The following OPCML variants were observed in gnomAD, a reference collection of about 807,000 sequenced individuals.
OPCML encodes the protein opioid binding protein/cell adhesion molecule like, also known as opioid-binding protein/cell adhesion molecule.
In OPCML, 13 loss-of-function variants were observed where a neutral mutation model predicts 37.8. That is an observed-to-expected ratio of 0.34 (90% CI 0.22 to 0.55). OPCML has a LOEUF of 0.55. Ranked by LOEUF, OPCML falls within the 20% of genes least tolerant of loss-of-function variation. OPCML has a pLI of 0.91. For synonymous variants in OPCML, 176 were observed against 168.8 expected (o/e 1.04, Z -0.33); for missense variants, 341 against 435.6 (o/e 0.78, Z 1.93).
At chr11:133,106,571 G>T (rs1949161584) in intron 1 of OPCML, among the ~76,000 whole-genome samples, 2 of 152,176 alleles carry the variant, frequency 1.3e-5, no homozygotes, top group Non-Finnish European at 2.9e-5. Flanking sequence ...AGTGCTTATA[G>T]CAATGTGCTA....
intron 2 of OPCML, among the ~76,000 whole-genome samples, chr11:132,672,316 C>T (rs1430522672): frequency 2.6e-5 from 4 of 152,174 alleles, no homozygotes; most frequent in Admixed American, 1.3e-4. Context: ...TAAAGAAATA[C>T]TTACATGTGC....
At chr11:133,524,647 T>C (rs997399418) in intron 1 of OPCML, among the ~76,000 whole-genome samples, 6 of 152,372 alleles carry the variant, frequency 3.9e-5, no homozygotes, top group Non-Finnish European at 8.8e-5. Flanking sequence ...TGTCGCAGTG[T>C]GCGATGTGAG....
intron 1 of OPCML, among the ~76,000 whole-genome samples, chr11:133,468,393 T>C (rs1423325960): frequency 6.6e-6 from 1 of 152,202 alleles, no homozygotes; most frequent in Non-Finnish European, 1.5e-5. Flanking sequence ...CAACTCTTTC[T>C]GGTTCCCAAC....
At position 132,625,324 on chromosome 11, in the gene OPCML, G is replaced by C. The variant is rs1939672824; in HGVS notation, c.379+31763C>G. On this transcript the variant is annotated intron_variant, in intron 3 of 7. Transcript: ENST00000524381. The stretch of plus-strand genomic sequence containing the variant: ...AATGTAGTAGGTTTCTTCAGAGAGG[G>C]GTGTTGTGAAGAGGTGTATATTTTA... Among the ~76,000 whole-genome samples, 3 of 152,212 alleles carry C rather than the reference G, an allele frequency of 2.0e-5. No individual in the cohort carries two copies. In the South Asian group the frequency reaches 6.2e-4, roughly 32 times the overall value.
At chr11:132,625,168 T>C (rs532058195) in intron 3 of OPCML, among the ~76,000 whole-genome samples, 1 of 152,308 alleles carries the variant, frequency 6.6e-6, no homozygotes, top group Non-Finnish European at 1.5e-5. Flanking sequence ...CTCAAGTGCC[T>C]CCTGTCTGTT....
At chr11:133,325,432 C>G (rs1390026154) in intron 1 of OPCML, among the ~76,000 whole-genome samples, 1 of 152,102 alleles carries the variant, frequency 6.6e-6, no homozygotes, top group Non-Finnish European at 1.5e-5. Context: ...AACAATTTAC[C>G]TTTTGTCATT....
chr11:133,199,151 GA>G (rs1301452471), intron 1 of OPCML, among the ~76,000 whole-genome samples: 1 of 152,158 alleles, frequency 6.6e-6, no homozygotes, highest in Non-Finnish European at 1.5e-5. Context: ...CCTAGGTCTT[GA>G]GGGGTAGAAA....
At chr11:133,188,232 T>A (rs574712) in intron 1 of OPCML, among the ~76,000 whole-genome samples, 29,378 of 152,142 alleles carry the variant, frequency 0.19, 2,852 homozygotes, top group Admixed American at 0.22. Context: ...CTGAGTGCTG[T>A]CAAACACTAG....
At chr11:132,891,497 T>C (rs1464513319) in intron 2 of OPCML, among the ~76,000 whole-genome samples, 1 of 152,236 alleles carries the variant, frequency 6.6e-6, no homozygotes, top group African/African-American at 2.4e-5. Flanking sequence ...TTTGCTTATA[T>C]GCAAATAAAC....
At chr11:133,348,497 A>T (rs1944052684) in intron 1 of OPCML, among the ~76,000 whole-genome samples, 1 of 152,166 alleles carries the variant, frequency 6.6e-6, no homozygotes, top group Admixed American at 6.5e-5. Context: ...GTGCTGCCCA[A>T]TCTGCAAGAG....
At chr11:133,044,110 A>G (rs1244803414) in intron 1 of OPCML, among the ~76,000 whole-genome samples, 2 of 152,186 alleles carry the variant, frequency 1.3e-5, no homozygotes, top group African/African-American at 4.8e-5. Context: ...CAAGGGAGCC[A>G]GGTCTAAGAT....
Position 132,943,136 on chromosome 11 carries a change from C to G in OPCML, c.62-126G>C, listed in dbSNP as rs757846206. 1.9e-6 allele frequency: 3 copies of G among 1,607,554 alleles called. No individual in the cohort carries two copies. Among genetic ancestry groups the G allele is most frequent in the Admixed American group, 3.3e-5 (2 of 59,896 alleles). ...CCCAGGACTCCGGCAGCCGCACAGT[C>G]CTGGTCCCCCGCCCCGCGCACCAGC... On this transcript the variant is annotated intron_variant, in intron 1 of 7. Coordinates refer to ENST00000524381, the MANE Select transcript of OPCML (RefSeq NM_001012393.5). The surrounding 1 kb of genome is among the most constrained non-coding windows in gnomAD (Gnocchi z 4.3).
chr11:133,235,655 G>A (rs987030771), intron 1 of OPCML, among the ~76,000 whole-genome samples: 1 of 152,162 alleles, frequency 6.6e-6, no homozygotes, highest in Non-Finnish European at 1.5e-5. Flanking sequence ...ACTGAACGCT[G>A]GCTCAACAGA....
intron 1 of OPCML, among the ~76,000 whole-genome samples, chr11:133,453,380 G>A (rs1443811093): frequency 6.6e-6 from 1 of 152,180 alleles, no homozygotes; most frequent in Non-Finnish European, 1.5e-5. Context: ...ATGCTAGAAT[G>A]TTAAACTCTG....
intron 2 of OPCML, among the ~76,000 whole-genome samples, chr11:132,900,659 A>G (rs757474335): frequency 2.6e-5 from 4 of 152,138 alleles, no homozygotes; most frequent in Non-Finnish European, 5.9e-5. Context: ...CTCCAGCTCC[A>G]TTGGCTTGCT....
chr11:133,304,831 G>T (rs1010960333), intron 1 of OPCML, among the ~76,000 whole-genome samples: 109 of 152,156 alleles, frequency 7.2e-4, no homozygotes, highest in Admixed American at 1.8e-3. Flanking sequence ...CACTTTTGAG[G>T]GATTTTTCCT....
chr11:132,907,437 C>T (rs780286229), intron 2 of OPCML, among the ~76,000 whole-genome samples: 5 of 152,114 alleles, frequency 3.3e-5, no homozygotes, highest in Non-Finnish European at 5.9e-5. Flanking sequence ...TCGAGACCAT[C>T]CTGGCCAACA....
chr11:132,504,977 G>A (rs2096253430), intron 4 of OPCML, among the ~76,000 whole-genome samples: 1 of 152,074 alleles, frequency 6.6e-6, no homozygotes, highest in Non-Finnish European at 1.5e-5. Flanking sequence ...TGCCCCCCAA[G>A]CCCTAAATTA....
intron 1 of OPCML, among the ~76,000 whole-genome samples, chr11:133,525,083 G>T (rs575591123): frequency 6.6e-6 from 1 of 152,322 alleles, no homozygotes; most frequent in African/African-American, 2.4e-5. Context: ...ATGGTCTAGG[G>T]AGGAAAGAGA....
Sources: gnomAD v4.1 joint callset for allele counts (sites outside exome capture counted in the v4.1 genomes callset) on GRCh38, gnomAD v4.1.1 for gene constraint, Gnocchi (gnomAD v3.1) non-coding constraint, MANE v1.5 for transcripts, NCBI Gene and HGNC (gene_info 2026-07-23, HGNC 2026-07-21) for gene names.